ZNRF3: variants seen among roughly 807,000 people sequenced by gnomAD.
The protein encoded by ZNRF3 is zinc and ring finger 3, also known as E3 ubiquitin-protein ligase ZNRF3.
Under a neutral mutation model 72.5 loss-of-function variants are expected in ZNRF3, and 23 were observed. The ratio of observed to expected loss-of-function variants is 0.32; its 90% CI spans 0.23 to 0.45. ZNRF3 has a LOEUF of 0.45. ZNRF3 is among the 20% of genes least tolerant of loss of function. ZNRF3 has a pLI of 1.00. For synonymous variants in ZNRF3, 610 were observed against 545.3 expected (o/e 1.12, Z -1.65); for missense variants, 1,169 against 1,272.1 (o/e 0.92, Z 1.23).
At chr22:29,004,687 C>T (rs763481472) in intron 2 of ZNRF3, among the ~76,000 whole-genome samples, 93 of 152,206 alleles carry the variant, frequency 6.1e-4, no homozygotes, top group Non-Finnish European at 1.1e-3. Flanking sequence ...CAGTGGCTTC[C>T]CCTGGATCAC....
intron 1 of ZNRF3, among the ~76,000 whole-genome samples, chr22:28,958,597 A>G (rs2035300614): frequency 6.6e-6 from 1 of 152,128 alleles, no homozygotes; most frequent in Admixed American, 6.5e-5. Flanking sequence ...ATGTGACCTG[A>G]ATTATGAGTT....
intron 1 of ZNRF3, among the ~76,000 whole-genome samples, chr22:28,898,592 G>A (rs961464395): frequency 3.0e-4 from 45 of 152,360 alleles, no homozygotes; most frequent in African/African-American, 1.1e-3. Flanking sequence ...ACTTTTGGAG[G>A]CGTAGTAGAA....
Position 29,042,476 on chromosome 22 carries a change from GT to G in ZNRF3, c.427-12del, listed in dbSNP as rs747869236. The G allele has an allele frequency of 6.2e-6, 10 of 1,613,272 alleles. No homozygotes were observed. The South Asian group carries it at 8.8e-5, about 14-fold the overall frequency. On this transcript the variant is annotated intron_variant, in intron 2 of 8. Coordinates refer to ENST00000544604, the MANE Select transcript of ZNRF3 (RefSeq NM_001206998.2). ...AAGAGGACCAGAGGGCCAACCTGCTGTTTTTTTAACTCTGGCAGGCCAAGCG... is the reference window on the plus strand; with the variant it reads ...AAGAGGACCAGAGGGCCAACCTGCTGTTTTTTAACTCTGGCAGGCCAAGCG...
intron 2 of ZNRF3, among the ~76,000 whole-genome samples, chr22:29,010,710 C>T (rs919604551): frequency 7.2e-5 from 11 of 152,194 alleles, no homozygotes; most frequent in Admixed American, 6.5e-4. Context: ...TCACTCTGCA[C>T]CCAGGCTGGA....
At chr22:28,950,392 A>C (rs2035138624) in intron 1 of ZNRF3, among the ~76,000 whole-genome samples, 1 of 152,160 alleles carries the variant, frequency 6.6e-6, no homozygotes. Flanking sequence ...GGTAGCATAA[A>C]CTTGCATGGT....
rs2036730742 is a variant in ZNRF3, at chr22:29,030,697, G to T, written c.427-11798G>T. On this transcript the variant is annotated intron_variant, in intron 2 of 8. Coordinates refer to ENST00000544604, the MANE Select transcript of ZNRF3 (RefSeq NM_001206998.2). This position sits in a 1 kb window ranked among gnomAD's most constrained non-coding sequence, Gnocchi z 4.2. ...CCGCCCCGAAAGTCCCGGCCCGCTG[G>T]ATTGGGGGTTCGGGGGTGGGGGGAA... Among the ~76,000 whole-genome samples, 1 of 146,136 alleles carries T rather than the reference G, an allele frequency of 6.8e-6. No individual in the cohort carries two copies. The highest frequency in any genetic ancestry group is 2.3e-4 in the South Asian group (1 of 4,256).
chr22:29,020,076 G>T (rs2036503706), intron 2 of ZNRF3, among the ~76,000 whole-genome samples: 1 of 151,696 alleles, frequency 6.6e-6, no homozygotes, highest in African/African-American at 2.4e-5. Context: ...AATGGCGGTA[G>T]TATTTGCATA....
intron 2 of ZNRF3, among the ~76,000 whole-genome samples, chr22:29,038,110 G>GT (rs1293570848): frequency 2.6e-5 from 4 of 152,138 alleles, no homozygotes; most frequent in Admixed American, 1.3e-4. Flanking sequence ...AGTTTTGGAC[G>GT]TTAAGTATGT....
At chr22:29,017,643 C>T (rs1276161509) in intron 2 of ZNRF3, among the ~76,000 whole-genome samples, 1 of 151,900 alleles carries the variant, frequency 6.6e-6, no homozygotes, top group Non-Finnish European at 1.5e-5. Flanking sequence ...TATCATTTGT[C>T]ATCCAAGCTG....
Position 28,894,260 on chromosome 22 carries a change from A to G in ZNRF3, c.300+10194A>G, listed in dbSNP as rs115269153. On this transcript the variant is annotated intron_variant, in intron 1 of 8. Transcript: ENST00000544604. Reference sequence around the variant, plus strand: ...GGCGTGAGCCACTGTGACCCACTGTATGTTTCTCAAAAATACAAAATGTCG... The same window carrying G: ...GGCGTGAGCCACTGTGACCCACTGTGTGTTTCTCAAAAATACAAAATGTCG... Among the ~76,000 whole-genome samples the G allele has an allele frequency of 7.2e-3, 1,091 of 151,750 alleles. 14 individuals carry two copies. Among genetic ancestry groups the G allele is most frequent in the African/African-American group, 0.025 (1,046 of 41,378 alleles).
At chr22:28,904,851 T>G (rs2034176093) in intron 1 of ZNRF3, among the ~76,000 whole-genome samples, 1 of 151,974 alleles carries the variant, frequency 6.6e-6, no homozygotes, top group Non-Finnish European at 1.5e-5. Context: ...CAGGCTGAGT[T>G]TTTTCCTAAT....
chr22:28,910,370 G>GTA (rs2034294726), intron 1 of ZNRF3, among the ~76,000 whole-genome samples: 1 of 152,150 alleles, frequency 6.6e-6, no homozygotes, highest in South Asian at 2.1e-4. Flanking sequence ...CTGGAAGATA[G>GTA]TAAGAAAAAA....
intron 2 of ZNRF3, among the ~76,000 whole-genome samples, chr22:29,014,449 T>G (rs779434932): frequency 3.3e-5 from 5 of 152,148 alleles, no homozygotes; most frequent in Admixed American, 6.5e-5. Flanking sequence ...CAAGAGCAGT[T>G]CAGCAGCTGC....
chr22:29,031,352 C>G (rs1241865351), intron 2 of ZNRF3: 1 of 152,680 alleles, frequency 6.5e-6, no homozygotes, highest in East Asian at 1.9e-4. Flanking sequence ...TCTTCTACCA[C>G]CACCACCACC....
chr22:28,942,535 G>C (rs1286880903), intron 1 of ZNRF3, among the ~76,000 whole-genome samples: 1 of 152,162 alleles, frequency 6.6e-6, no homozygotes, highest in Non-Finnish European at 1.5e-5. Context: ...GATTAGCTGA[G>C]TGACCTCGGG....
chr22:28,959,030 A>G (rs2035308526), intron 1 of ZNRF3, among the ~76,000 whole-genome samples: 1 of 152,194 alleles, frequency 6.6e-6, no homozygotes, highest in South Asian at 2.1e-4. Context: ...AACCTTTTGC[A>G]TACTCTCATC....
intron 1 of ZNRF3, 95 bp downstream of exon 1, chr22:28,884,161 G>A (rs1303378687): frequency 2.1e-6 from 2 of 964,100 alleles, no homozygotes; most frequent in Non-Finnish European, 1.3e-6. Flanking sequence ...CCTGACTGGC[G>A]GGCGGGCGGG....
At chr22:28,966,846 C>T (rs2035472182) in intron 1 of ZNRF3, among the ~76,000 whole-genome samples, 2 of 147,002 alleles carry the variant, frequency 1.4e-5, no homozygotes, top group African/African-American at 2.5e-5. Flanking sequence ...GCCTAAGTTA[C>T]AGGCACATAG....
intron 1 of ZNRF3, among the ~76,000 whole-genome samples, chr22:28,968,701 C>G (rs2035518558): frequency 6.6e-6 from 1 of 152,182 alleles, no homozygotes; most frequent in Admixed American, 6.5e-5. Flanking sequence ...AAGAGTGAAA[C>G]TCCGTCTCCA....
Sources: gnomAD v4.1 joint callset for allele counts (sites outside exome capture counted in the v4.1 genomes callset) on GRCh38, gnomAD v4.1.1 for gene constraint, Gnocchi (gnomAD v3.1) non-coding constraint, MANE v1.5 for transcripts, NCBI Gene and HGNC (gene_info 2026-07-23, HGNC 2026-07-21) for gene names.